Variants in TCP1 observed in about 807,000 individuals in gnomAD.
TCP1 encodes t-complex 1, also known as T-complex protein 1 subunit alpha.
TCP1 carries 6 observed loss-of-function variants against 54.7 expected under a neutral mutation model. The observed-to-expected ratio is 0.11, with a 90% CI of 0.06 to 0.22. The LOEUF is 0.22. Ranked by LOEUF, TCP1 falls within the 10% of genes least tolerant of loss-of-function variation. TCP1 has a pLI of 1.00. For synonymous variants in TCP1, 225 were observed against 229.7 expected (o/e 0.98, Z 0.19); for missense variants, 511 against 678.2 (o/e 0.75, Z 2.74).
At position 159,778,985 on chromosome 6, in the gene TCP1, C is replaced by T; in HGVS notation, c.*60G>A. 1.3e-6 allele frequency: 2 copies of T among 1,572,928 alleles called. No homozygotes were observed. The highest frequency in any genetic ancestry group is 1.7e-6 in the Non-Finnish European group (2 of 1,151,924). On this transcript the variant is annotated 3_prime_UTR_variant, in exon 12 of 12. Coordinates refer to ENST00000321394, the MANE Select transcript of TCP1 (RefSeq NM_030752.3). ...TTGTACTTTACTTTAATGTGTAATA[C>T]TCAACTCAAGGTACAAGACAATTGC...
rs1168985958 is a variant in TCP1 at position 159,784,067 on chromosome 6, C to T, written c.671G>A (p.Gly224Asp). 1.2e-6 allele frequency: 2 copies of T among 1,611,902 alleles called. No individual in the cohort carries two copies. The highest frequency in any genetic ancestry group is 2.2e-5 in the East Asian group (1 of 44,818). Residue 224 changes from glycine to aspartate, a missense_variant and splice_region_variant, in exon 7 of 12, where the codon GGC (glycine) becomes GAC (aspartate). By Grantham distance (94) the Gly-to-Asp change is moderately conservative. Coordinates refer to ENST00000321394, the MANE Select transcript of TCP1 (RefSeq NM_030752.3). ...YALNCVVGSQ[G>D]MPKRIVNAKI... Reference sequence around the variant, plus strand: ...TGCATTTACGATTCTCTTGGGCATGCCTACAATTGAACATAAGATTAAGTT... The same window carrying T: ...TGCATTTACGATTCTCTTGGGCATGTCTACAATTGAACATAAGATTAAGTT...
At chr6:159,788,405 T>C (rs137989854) in intron 1 of TCP1, 14 of 379,556 alleles carry the variant, frequency 3.7e-5, no homozygotes, top group East Asian at 3.5e-4. Context: ...TTGGGCAACA[T>C]AGCGAAACCC....
rs780966412 is a variant in TCP1 at position 159,780,887 on chromosome 6, A to C, written c.973+48T>G. On this transcript the variant is annotated intron_variant, in intron 8 of 11. Coordinates refer to ENST00000321394, the MANE Select transcript of TCP1 (RefSeq NM_030752.3). ...CCAATGTAAAAAGACCTTTGATAGGATCAGGGATAATAAAAGTATTTTATG... is the reference window on the plus strand; with the variant it reads ...CCAATGTAAAAAGACCTTTGATAGGCTCAGGGATAATAAAAGTATTTTATG... 9.8e-5 allele frequency: 151 copies of C among 1,543,276 alleles called. 1 individual carries two copies. The highest frequency in any genetic ancestry group is 1.2e-4 in the Non-Finnish European group (142 of 1,152,262).
chr6:159,789,157 G>T, intron 1 of TCP1: 1 of 489,298 alleles, frequency 2.0e-6, no homozygotes, highest in South Asian at 3.1e-5. Flanking sequence ...ACGCCGCCCC[G>T]GACACCACAT....
intron 5 of TCP1, 68 bp from the exon 6 acceptor site, chr6:159,784,915 G>C: frequency 6.6e-7 from 1 of 1,524,104 alleles, no homozygotes; most frequent in Non-Finnish European, 9.0e-7. Context: ...AAAAATCAAG[G>C]GTAATTTCAA....
At chr6:159,788,444 G>T (rs902305313) in intron 1 of TCP1, 3 of 315,608 alleles carry the variant, frequency 9.5e-6, no homozygotes, top group Non-Finnish European at 1.8e-5. Context: ...AACAAAGCCG[G>T]ATGCGGCGGC....
At chr6:159,785,358 A>C (rs1252975316) in intron 5 of TCP1, 28 bp downstream of exon 5, 1 of 1,568,014 alleles carries the variant, frequency 6.4e-7, no homozygotes, top group East Asian at 2.2e-5. Flanking sequence ...TAAAAAGTCT[A>C]AATTTTATCT....
intron 4 of TCP1, 77 bp from the exon 5 acceptor site, chr6:159,785,573 G>A (rs1462584037): frequency 8.8e-7 from 1 of 1,141,188 alleles, no homozygotes; most frequent in Non-Finnish European, 1.3e-6. Context: ...GCTTAACACA[G>A]AGCCAAAATG....
chr6:159,788,387 A>G (rs1780750238), intron 1 of TCP1: 1 of 439,332 alleles, frequency 2.3e-6, no homozygotes, highest in African/African-American at 2.0e-5. Context: ...CAGGAGTTTG[A>G]GACCCCTTTG....
intron 6 of TCP1, 94 bp downstream of exon 6, chr6:159,784,572 G>A (rs1159003865): frequency 1.5e-6 from 2 of 1,348,570 alleles, no homozygotes; most frequent in East Asian, 4.7e-5. Context: ...CCAAAGTGCT[G>A]GGATTACAGG....
chr6:159,780,303 A>G (rs111274982), intron 9 of TCP1, 140 bp downstream of exon 9: 4 of 1,363,248 alleles, frequency 2.9e-6, no homozygotes, highest in African/African-American at 2.9e-5. Flanking sequence ...CTCAATTTAC[A>G]GTGGCCCAAT....
chr6:159,787,140 G>C (rs993444955), intron 3 of TCP1, among the ~76,000 whole-genome samples: 2 of 151,068 alleles, frequency 1.3e-5, no homozygotes, highest in Non-Finnish European at 2.9e-5. Flanking sequence ...GCAATCCCAA[G>C]CACTCTGGGA....
chr6:159,780,154 A>C (rs541091146), intron 9 of TCP1, 67 bp from the exon 10 acceptor site: 6 of 1,546,180 alleles, frequency 3.9e-6, no homozygotes, highest in African/African-American at 2.8e-5. Flanking sequence ...CAAGACCATC[A>C]ATTTCTCAAA....
chr6:159,789,062 T>G, intron 1 of TCP1: 2 of 315,432 alleles, frequency 6.3e-6, no homozygotes, highest in Non-Finnish European at 5.9e-6. Context: ...ACTCAGGGGG[T>G]CGCCCTGAAA....
Position 159,789,587 on chromosome 6 carries a change from T to C in TCP1, c.-119A>G. 7 of 1,275,368 alleles carry C rather than the reference T, an allele frequency of 5.5e-6. No homozygotes were observed. The South Asian group carries it at 7.7e-5, about 14-fold the overall frequency. 79.0% of individuals were successfully genotyped at this position (1,275,368 alleles called of 1,614,324 possible). A position where few individuals can be genotyped will look rare whatever the true frequency, so the allele number is the denominator to read the frequency against. On this transcript the variant is annotated 5_prime_UTR_variant, in exon 1 of 12. Transcript: ENST00000321394. ...GACGGCGTGGAGCGTACCCGAGCGA[T>C]GTCCCAGGAGCTACTGGGTAACACA...
rs766075045 is a variant in TCP1, at chr6:159,780,073, G to A, written c.1112C>T (p.Thr371Met). 18 of 1,614,034 alleles carry A rather than the reference G, an allele frequency of 1.1e-5. No homozygotes were observed. Among genetic ancestry groups the A allele is most frequent in the South Asian group, 3.3e-5 (3 of 91,078 alleles). The change falls in exon 10 of 12, where the codon ACG becomes ATG. Residue 371 changes from threonine (T) to methionine (M), a missense_variant. Coordinates refer to ENST00000321394, the MANE Select transcript of TCP1 (RefSeq NM_030752.3). ...CCCACGTAAGATAATCGATGCAGAC[G>A]TACGAGCCTTAGTACTGTTCAAAAC... is the stretch of plus-strand genomic sequence containing the variant. ...LILIKNTKARTSASIILRGAN... is the reference protein window; with the variant it reads ...LILIKNTKARMSASIILRGAN...
At position 159,789,532 on chromosome 6, in the gene TCP1, C is replaced by A. The variant is rs1007550790; in HGVS notation, c.-64G>T. Reference sequence around the variant, plus strand: ...GCGGGCAACCAGTATCGCGGCCCCTCGGCCGACCGGCGACCACAGCAGTGG... The same window carrying A: ...GCGGGCAACCAGTATCGCGGCCCCTAGGCCGACCGGCGACCACAGCAGTGG... On this transcript the variant is annotated 5_prime_UTR_variant, in exon 1 of 12. Transcript: ENST00000321394. 3 of 1,588,886 alleles carry A rather than the reference C, an allele frequency of 1.9e-6. No individual in the cohort carries two copies. The highest frequency in any genetic ancestry group is 2.6e-6 in the Non-Finnish European group (3 of 1,162,894).
At chr6:159,787,936 A>C in intron 2 of TCP1, 65 bp from the exon 3 acceptor site, 1 of 1,607,990 alleles carries the variant, frequency 6.2e-7, no homozygotes, top group Non-Finnish European at 8.5e-7. Flanking sequence ...ATTATAATAC[A>C]CGTTCACCTT....
At chr6:159,786,081 T>C (rs1780689857) in intron 3 of TCP1, 84 bp from the exon 4 acceptor site, 1 of 1,058,228 alleles carries the variant, frequency 9.4e-7, no homozygotes, top group African/African-American at 1.6e-5. Context: ...AATGGCCATA[T>C]ATTATTAACC....
Sources: gnomAD v4.1 joint callset for allele counts (sites outside exome capture counted in the v4.1 genomes callset) on GRCh38, gnomAD v4.1.1 for gene constraint, MANE v1.5 for transcripts, NCBI Gene and HGNC (gene_info 2026-07-23, HGNC 2026-07-21) for gene names.